The following FHOD3 variants were observed in gnomAD, a reference collection of about 807,000 sequenced individuals.
FHOD3 encodes formin homology 2 domain containing 3.
Under a neutral mutation model 173.0 loss-of-function variants are expected in FHOD3, and 90 were observed. The observed-to-expected ratio is 0.52, with a 90% CI of 0.44 to 0.62. FHOD3 has a LOEUF of 0.62. FHOD3 is among the 20% of genes least tolerant of loss of function. FHOD3 has a pLI of 0.00. For synonymous variants in FHOD3, 828 were observed against 823.0 expected (o/e 1.01, Z -0.10); for missense variants, 1,945 against 2,034.7 (o/e 0.96, Z 0.85).
chr18:36,665,289 A>T (rs532281393), intron 14 of FHOD3, among the ~76,000 whole-genome samples: 1 of 152,372 alleles, frequency 6.6e-6, no homozygotes, highest in Admixed American at 6.5e-5. Context: ...TTCATTCAAC[A>T]AGTACTTATT....
intron 1 of FHOD3, among the ~76,000 whole-genome samples, chr18:36,338,788 A>T (rs1402022583): frequency 6.6e-6 from 1 of 152,072 alleles, no homozygotes; most frequent in Non-Finnish European, 1.5e-5. Flanking sequence ...CGTATCACAG[A>T]TGCCAGGTGG....
chr18:36,597,288 G>A (rs1485685188), intron 7 of FHOD3, among the ~76,000 whole-genome samples: 1 of 152,162 alleles, frequency 6.6e-6, no homozygotes. Context: ...GCCCCAGCCA[G>A]AGATTCTCGT....
chr18:36,424,901 C>T (rs747833911), intron 3 of FHOD3, among the ~76,000 whole-genome samples: 4 of 152,204 alleles, frequency 2.6e-5, no homozygotes, highest in Non-Finnish European at 4.4e-5. Flanking sequence ...CAGTGGCCAT[C>T]TCAGTTATCA....
intron 9 of FHOD3, among the ~76,000 whole-genome samples, chr18:36,624,238 T>C (rs529523699): frequency 7.4e-4 from 113 of 152,262 alleles, no homozygotes; most frequent in African/African-American, 2.6e-3. Context: ...CCCTAGATGC[T>C]TTACACAAGT....
chr18:36,557,784 G>A (rs2057945987), intron 5 of FHOD3, among the ~76,000 whole-genome samples: 1 of 151,508 alleles, frequency 6.6e-6, no homozygotes, highest in African/African-American at 2.4e-5. Flanking sequence ...ACTGTGACTT[G>A]TACTTATTGC....
chr18:36,310,883 G>A (rs944179499), intron 1 of FHOD3, among the ~76,000 whole-genome samples: 5 of 152,056 alleles, frequency 3.3e-5, no homozygotes, highest in African/African-American at 1.2e-4. Flanking sequence ...CTCTGGGTGG[G>A]TGAAGATAGC....
rs538037577 is a variant in FHOD3, at chr18:36,467,253, C to G, written c.338-34679C>G. On this transcript the variant is annotated intron_variant, in intron 3 of 28. Coordinates refer to ENST00000590592, the MANE Select transcript of FHOD3 (RefSeq NM_001281740.3). ...TTCATTTGTTCTCTTCCAGTCACCT[C>G]CTAGTAATTCTGACAGACTGTCAGC... 5.9e-5 allele frequency among the ~76,000 whole-genome samples: 9 copies of G among 152,272 alleles called. No individual in the cohort carries two copies. The East Asian group carries it at 1.4e-3, about 23-fold the overall frequency.
At chr18:36,550,317 C>T (rs772263475) in intron 5 of FHOD3, among the ~76,000 whole-genome samples, 11 of 148,164 alleles carry the variant, frequency 7.4e-5, no homozygotes, top group East Asian at 2.0e-4. Flanking sequence ...GTTTGCCTGT[C>T]GTATTGCCAA....
chr18:36,712,501 TA>T (rs1034890554), intron 18 of FHOD3, among the ~76,000 whole-genome samples: 1 of 151,492 alleles, frequency 6.6e-6, no homozygotes, highest in African/African-American at 2.4e-5. Flanking sequence ...ATGGGCTTAA[TA>T]GTAGATTGGA....
chr18:36,602,958 G>C (rs998005297), intron 8 of FHOD3, among the ~76,000 whole-genome samples, 190 bp downstream of exon 8: 2 of 152,154 alleles, frequency 1.3e-5, no homozygotes, highest in African/African-American at 4.8e-5. Flanking sequence ...GAGGGAAGAC[G>C]ATGTGAACAT....
At chr18:36,384,605 T>C (rs952950014) in intron 3 of FHOD3, among the ~76,000 whole-genome samples, 9 of 151,468 alleles carry the variant, frequency 5.9e-5, no homozygotes, top group East Asian at 1.9e-4. Context: ...AAATATTTCA[T>C]TGGTGTTAGA....
intron 28 of FHOD3, chr18:36,778,658 C>A (rs902376854): frequency 3.9e-5 from 6 of 152,238 alleles, no homozygotes; most frequent in Non-Finnish European, 8.8e-5. Context: ...CAGTTGCCAA[C>A]TGCAACCCCC....
At chr18:36,722,148 A>C (rs2149814042) in intron 19 of FHOD3, among the ~76,000 whole-genome samples, 1 of 152,324 alleles carries the variant, frequency 6.6e-6, no homozygotes, top group Non-Finnish European at 1.5e-5. Context: ...GTTTTATGGT[A>C]AAAGGTAGAA....
chr18:36,389,885 T>A (rs573022554), intron 3 of FHOD3, among the ~76,000 whole-genome samples: 1 of 152,250 alleles, frequency 6.6e-6, no homozygotes, highest in Non-Finnish European at 1.5e-5. Flanking sequence ...TGTCCTATTC[T>A]GAGGACCCTC....
intron 3 of FHOD3, among the ~76,000 whole-genome samples, chr18:36,458,970 G>C (rs548901243): frequency 6.6e-6 from 1 of 152,284 alleles, no homozygotes; most frequent in South Asian, 2.1e-4. Context: ...CATGACCCCT[G>C]CTTTGCCCAG....
intron 6 of FHOD3, among the ~76,000 whole-genome samples, chr18:36,589,584 CT>C (rs1192156063): frequency 1.3e-5 from 2 of 152,190 alleles, no homozygotes; most frequent in Non-Finnish European, 2.9e-5. Flanking sequence ...ACTCAAGACG[CT>C]GTTGAAAGTA....
chr18:36,551,462 G>A (rs920730030), intron 5 of FHOD3, among the ~76,000 whole-genome samples: 1 of 151,746 alleles, frequency 6.6e-6, no homozygotes, highest in African/African-American at 2.4e-5. Flanking sequence ...AATTTAATTT[G>A]ATTAATTTAT....
chr18:36,539,530 G>C (rs1172893885), intron 5 of FHOD3, among the ~76,000 whole-genome samples: 1 of 152,192 alleles, frequency 6.6e-6, no homozygotes, highest in African/African-American at 2.4e-5. Flanking sequence ...GGTGAGCAGA[G>C]ACTGAGTGAA....
intron 14 of FHOD3, among the ~76,000 whole-genome samples, chr18:36,665,274 T>C (rs747236225): frequency 3.3e-5 from 5 of 152,228 alleles, no homozygotes; most frequent in Non-Finnish European, 7.3e-5. Flanking sequence ...TACATACTCA[T>C]ATATTTCATT....
Sources: allele counts gnomAD v4.1 joint callset (sites outside exome capture counted in the v4.1 genomes callset), GRCh38; gene constraint gnomAD v4.1.1; transcripts MANE v1.5; gene names NCBI Gene and HGNC (gene_info 2026-07-23, HGNC 2026-07-21).